Variants in GAB2 observed in about 807,000 individuals in gnomAD.
The protein encoded by GAB2 is GRB2 associated binding protein 2, also known as GRB2-associated-binding protein 2.
In GAB2, 26 loss-of-function variants were observed where a neutral mutation model predicts 65.5. The observed-to-expected ratio is 0.40, with a 90% confidence interval of 0.29 to 0.55. The LOEUF is 0.55. GAB2 is among the 20% of genes least tolerant of loss of function. The pLI, the probability that GAB2 is intolerant of heterozygous loss-of-function variation, is 0.53. For missense variants in GAB2, 884 were observed against 875.8 expected (o/e 1.01, Z -0.12); for synonymous variants, 321 against 329.6 (o/e 0.97, Z 0.28).
intron 3 of GAB2, among the ~76,000 whole-genome samples, chr11:78,241,954 A>G (rs1051403058): frequency 2.4e-4 from 36 of 152,248 alleles, no homozygotes; most frequent in African/African-American, 8.7e-4. Flanking sequence ...TTTAGATCAA[A>G]TGGACCTAAC....
chr11:78,260,280 C>T (rs1350534565), intron 2 of GAB2, among the ~76,000 whole-genome samples: 3 of 152,116 alleles, frequency 2.0e-5, no homozygotes, highest in Non-Finnish European at 4.4e-5. Flanking sequence ...TTGATGCATA[C>T]GATCTCACAG....
chr11:78,376,401 CACA>C (rs1316806620), intron 1 of GAB2, among the ~76,000 whole-genome samples: 2 of 152,200 alleles, frequency 1.3e-5, no homozygotes, highest in African/African-American at 4.8e-5. Context: ...ACTCAATCTT[CACA>C]ACAAGCCCTA....
chr11:78,307,508 A>G (rs946266179), intron 1 of GAB2, among the ~76,000 whole-genome samples: 1 of 152,026 alleles, frequency 6.6e-6, no homozygotes, highest in Non-Finnish European at 1.5e-5. Context: ...CTGTAATCCC[A>G]GCACTTTGGG....
In GAB2 at chr11:78,250,269, A is replaced by T. The variant is rs1319961409; in HGVS notation, c.508T>A (p.Phe170Ile). Reference sequence around the variant, plus strand: ...TTTGACACAGGGGGTTCAAACGTGAACAGAGTTGGCTGGCTGGAGTGTGAT... The same window carrying T: ...TTTGACACAGGGGGTTCAAACGTGATCAGAGTTGGCTGGCTGGAGTGTGAT... ...APSHSSQPTL[F>I]TFEPPVSNHM... is the part of the protein sequence containing the mutation. Residue 170 changes from phenylalanine (F) to isoleucine (I), a missense_variant, in exon 3 of 10, where the codon TTC becomes ATC. Coordinates refer to ENST00000361507, the MANE Select transcript of GAB2 (RefSeq NM_080491.3). 6.2e-7 allele frequency: 1 copy of T among 1,613,398 alleles called. No individual in the cohort carries two copies. Among genetic ancestry groups the T allele is most frequent in the East Asian group, 2.2e-5 (1 of 44,840 alleles).
intron 2 of GAB2, among the ~76,000 whole-genome samples, chr11:78,274,952 C>T (rs966917200): frequency 6.6e-6 from 1 of 152,166 alleles, no homozygotes; most frequent in African/African-American, 2.4e-5. Flanking sequence ...AGCTGTGTGA[C>T]CTTGGGTCAA....
intron 1 of GAB2, among the ~76,000 whole-genome samples, chr11:78,293,198 T>G (rs994317682): frequency 1.3e-5 from 2 of 152,210 alleles, no homozygotes; most frequent in Non-Finnish European, 2.9e-5. Flanking sequence ...CTGTATTTGT[T>G]CTGGACTCAT....
intron 2 of GAB2, among the ~76,000 whole-genome samples, chr11:78,261,142 G>A (rs991449564): frequency 1.3e-5 from 2 of 152,090 alleles, no homozygotes; most frequent in Non-Finnish European, 2.9e-5. Flanking sequence ...AATTAGCTGG[G>A]CATTGTGGCA....
chr11:78,357,293 G>T (rs1276852084), intron 1 of GAB2, among the ~76,000 whole-genome samples: 2 of 152,072 alleles, frequency 1.3e-5, no homozygotes, highest in Non-Finnish European at 2.9e-5. Context: ...TTTCAAGTGT[G>T]GGCAATACAT....
chr11:78,341,517 A>T (rs975744965), intron 1 of GAB2, among the ~76,000 whole-genome samples: 2 of 152,218 alleles, frequency 1.3e-5, no homozygotes, highest in African/African-American at 2.4e-5. Context: ...TCAAATTGAG[A>T]TGATGAAAGA....
intron 3 of GAB2, among the ~76,000 whole-genome samples, chr11:78,240,821 T>A (rs145947568): frequency 6.6e-6 from 1 of 152,140 alleles, no homozygotes; most frequent in Admixed American, 6.5e-5. Context: ...CCTGAGCTGA[T>A]AGAGGGTTCA....
intron 1 of GAB2, among the ~76,000 whole-genome samples, chr11:78,390,896 T>A (rs1373461456): frequency 6.6e-6 from 1 of 152,196 alleles, no homozygotes; most frequent in Non-Finnish European, 1.5e-5. Flanking sequence ...TCTAGATTGA[T>A]GAGGATCTGG....
At chr11:78,384,347 G>C (rs1044264655) in intron 1 of GAB2, among the ~76,000 whole-genome samples, 7 of 152,232 alleles carry the variant, frequency 4.6e-5, no homozygotes, top group African/African-American at 9.6e-5. Context: ...AGTCCTGGGA[G>C]TGCTTGCAGG....
rs551280989 is a variant in GAB2 at position 78,254,334 on chromosome 11, C to T, written c.377-3934G>A. Among the ~76,000 whole-genome samples, 11 of 152,194 alleles carry T rather than the reference C, an allele frequency of 7.2e-5. 1 individual carries two copies. In the East Asian group the frequency reaches 7.7e-4, roughly 11 times the overall value. ...GAAAAAATAAAAGAATTTTCCCTGG[C>T]GCAAAAATCCAAATATGTGTGTTTC... On this transcript the variant is annotated intron_variant, in intron 2 of 9. Transcript: ENST00000361507.
chr11:78,309,178 C>G (rs1191201098), intron 1 of GAB2, among the ~76,000 whole-genome samples: 1 of 152,058 alleles, frequency 6.6e-6, no homozygotes, highest in African/African-American at 2.4e-5. Context: ...CTTGGGAGAT[C>G]AGATGACAGG....
intron 1 of GAB2, among the ~76,000 whole-genome samples, chr11:78,403,050 G>A (rs538582615): frequency 1.3e-5 from 2 of 152,284 alleles, no homozygotes; most frequent in Admixed American, 6.5e-5. Flanking sequence ...TTGTCTATGA[G>A]GAAGTGGGCA....
chr11:78,284,305 C>A (rs1401451099), intron 1 of GAB2, among the ~76,000 whole-genome samples: 1 of 152,250 alleles, frequency 6.6e-6, no homozygotes, highest in East Asian at 1.9e-4. Context: ...TCCACCCTTT[C>A]ATCCTGCAGT....
At chr11:78,352,107 G>T (rs1856287613) in intron 1 of GAB2, among the ~76,000 whole-genome samples, 1 of 152,304 alleles carries the variant, frequency 6.6e-6, no homozygotes, top group African/African-American at 2.4e-5. Context: ...CAGATACTTG[G>T]GAGGCTGAGG....
At chr11:78,292,304 G>A (rs182157357) in intron 1 of GAB2, among the ~76,000 whole-genome samples, 24 of 152,294 alleles carry the variant, frequency 1.6e-4, no homozygotes, top group Admixed American at 1.6e-3. Context: ...CCTCTTCCAA[G>A]TAATGTCTTG....
intron 1 of GAB2, among the ~76,000 whole-genome samples, chr11:78,334,319 G>A (rs1855963664): frequency 6.6e-6 from 1 of 152,086 alleles, no homozygotes; most frequent in Non-Finnish European, 1.5e-5. Context: ...TAGTTACCCT[G>A]TTGTGCAATA....
Sources: allele counts gnomAD v4.1 joint callset (sites outside exome capture counted in the v4.1 genomes callset), GRCh38; gene constraint gnomAD v4.1.1; transcripts MANE v1.5; gene names NCBI Gene and HGNC (gene_info 2026-07-23, HGNC 2026-07-21).